TBC1D5: variants seen among roughly 807,000 people sequenced by gnomAD.
TBC1D5 encodes the protein TBC1 domain family, member 5.
A neutral mutation model predicts 100.3 loss-of-function variants in TBC1D5; 75 were observed. The ratio of observed to expected loss-of-function variants is 0.75; its 90% CI spans 0.62 to 0.91. TBC1D5 has a LOEUF of 0.91. Among genes scored for constraint, TBC1D5 ranks in the 40% least tolerant of loss-of-function variants. The probability of loss-of-function intolerance (pLI) is 0.00; values close to 1 mark genes in which losing one functional copy is unlikely to be tolerated. For missense variants in TBC1D5, 910 were observed against 942.4 expected (o/e 0.97, Z 0.45); for synonymous variants, 323 against 325.6 (o/e 0.99, Z 0.09).
chr3:17,467,392 C>T (rs1304722532), intron 3 of TBC1D5, among the ~76,000 whole-genome samples: 2 of 150,854 alleles, frequency 1.3e-5, no homozygotes, highest in Non-Finnish European at 2.9e-5. Context: ...TGTTTCTTAC[C>T]CATTTGCAAC....
intron 1 of TBC1D5, among the ~76,000 whole-genome samples, chr3:17,670,179 C>A (rs2067775496): frequency 6.6e-6 from 1 of 152,148 alleles, no homozygotes; most frequent in South Asian, 2.1e-4. Flanking sequence ...TGAGCCACCA[C>A]GCCCGGCCAG....
chr3:17,653,200 T>C (rs927558800), intron 1 of TBC1D5, among the ~76,000 whole-genome samples: 11 of 152,166 alleles, frequency 7.2e-5, no homozygotes, highest in African/African-American at 2.7e-4. Flanking sequence ...ACAGACTTCC[T>C]TTTGAGGTGA....
chr3:17,741,374 GA>G (rs2077417533), upstream of TBC1D5, among the ~76,000 whole-genome samples: 1 of 152,206 alleles, frequency 6.6e-6, no homozygotes, highest in Admixed American at 6.5e-5. Context: ...AGCCCAAAGA[GA>G]AAAACCAATA....
intron 12 of TBC1D5, among the ~76,000 whole-genome samples, chr3:17,373,324 C>A (rs2092558758): frequency 6.6e-6 from 1 of 151,932 alleles, no homozygotes; most frequent in African/African-American, 2.4e-5. Flanking sequence ...AACCAGAAAG[C>A]AATTAATTAT....
intron 15 of TBC1D5, among the ~76,000 whole-genome samples, chr3:17,260,471 C>T (rs988042152): frequency 7.2e-5 from 11 of 151,954 alleles, no homozygotes; most frequent in African/African-American, 2.4e-4. Flanking sequence ...TCAAGTATTG[C>T]TTTCACTGAG....
At chr3:17,695,324 C>A (rs1000409200) in intron 1 of TBC1D5, among the ~76,000 whole-genome samples, 7 of 152,052 alleles carry the variant, frequency 4.6e-5, no homozygotes, top group Non-Finnish European at 8.8e-5. Flanking sequence ...GAGTCAAGAC[C>A]CATCACTGGG....
chr3:17,718,782 T>C (rs1231706033), intron 1 of TBC1D5, among the ~76,000 whole-genome samples: 1 of 152,060 alleles, frequency 6.6e-6, no homozygotes, highest in East Asian at 1.9e-4. Flanking sequence ...CCCATGGTAA[T>C]CTCTAATTGA....
Position 17,485,022 on chromosome 3 carries a change from G to A in TBC1D5, c.97+23452C>T, listed in dbSNP as rs150766750. ...AACAGAGATATGATAAACATAAGAT[G>A]AAAATTATATTAGAGAATATAAAAT... On this transcript the variant is annotated intron_variant, in intron 3 of 21. Coordinates refer to ENST00000253692, the Ensembl canonical transcript of TBC1D5. 2.9e-3 allele frequency among the ~76,000 whole-genome samples: 443 copies of A among 152,002 alleles called. 9 individuals carry two copies. The highest frequency in any genetic ancestry group is 9.4e-4 in the Non-Finnish European group (64 of 67,956).
At chr3:17,524,304 A>G (rs939997853) in intron 2 of TBC1D5, among the ~76,000 whole-genome samples, 1 of 152,230 alleles carries the variant, frequency 6.6e-6, no homozygotes, top group African/African-American at 2.4e-5. Flanking sequence ...TTGAAGAAAT[A>G]GGCATTTTGA....
intron 2 of TBC1D5, among the ~76,000 whole-genome samples, chr3:17,621,342 C>T (rs1317194273): frequency 6.6e-6 from 1 of 152,206 alleles, no homozygotes; most frequent in Non-Finnish European, 1.5e-5. Flanking sequence ...AATCAACACA[C>T]TAGTGCCAAG....
chr3:17,493,888 C>G (rs547189847), intron 3 of TBC1D5, among the ~76,000 whole-genome samples: 1 of 152,138 alleles, frequency 6.6e-6, no homozygotes, highest in African/African-American at 2.4e-5. Flanking sequence ...TTTGGCTCAG[C>G]GAAGTTCACT....
chr3:17,198,470 GTT>G (rs2071019770), intron 18 of TBC1D5, among the ~76,000 whole-genome samples: 1 of 152,108 alleles, frequency 6.6e-6, no homozygotes, highest in Non-Finnish European at 1.5e-5. Context: ...ATCAAATAAA[GTT>G]TTTAGTATAA....
intron 1 of TBC1D5, chr3:17,665,064 G>GGA: frequency 7.1e-6 from 1 of 141,200 alleles, no homozygotes; most frequent in African/African-American, 2.6e-5. Flanking sequence ...AAGAAGAAAG[G>GGA]AAAAAAAAAC....
rs765714230 is a variant in TBC1D5, at chr3:17,374,726, T to C, written c.702-47A>G. The C allele has an allele frequency of 6.3e-6, 10 of 1,586,144 alleles. No homozygotes were observed. The East Asian group carries it at 2.3e-4, about 36-fold the overall frequency. The stretch of plus-strand genomic sequence containing the variant: ...ATCAAAATGTGTAATTTTTGAATAA[T>C]TAAAGAGGCAGAGTTTGCCTTATTC... On this transcript the variant is annotated intron_variant, in intron 10 of 21. Transcript: ENST00000253692.
intron 17 of TBC1D5, among the ~76,000 whole-genome samples, chr3:17,221,802 T>C (rs888927957): frequency 6.6e-6 from 1 of 152,196 alleles, no homozygotes; most frequent in African/African-American, 2.4e-5. Flanking sequence ...GAGAAACCTG[T>C]GTCAGACTTT....
rs956307555 is a variant in TBC1D5, at chr3:17,347,655, TA to T, written c.995+24419del. Among the ~76,000 whole-genome samples the T allele has an allele frequency of 4.3e-3, 634 of 147,798 alleles. 3 individuals are homozygous for T. Among genetic ancestry groups the T allele is most frequent in the African/African-American group, 0.013 (539 of 40,510 alleles). ...AAAAATCCCTACACTTTCTATCACT[TA>T]AAAAAAAAAATCAAAGAAAGTCTGA... On this transcript the variant is annotated intron_variant, in intron 13 of 21. Coordinates refer to ENST00000253692, the Ensembl canonical transcript of TBC1D5.
chr3:17,401,238 C>CACATGTATGTGTATAATATACATATAT, intron 8 of TBC1D5, among the ~76,000 whole-genome samples: 1 of 145,842 alleles, frequency 6.9e-6, no homozygotes. Flanking sequence ...CACACACACA[C>CACATGTATGTGTATAATATACATATAT]ATGTATGTGT....
chr3:17,498,859 C>A (rs2095748941), intron 3 of TBC1D5, among the ~76,000 whole-genome samples: 1 of 151,604 alleles, frequency 6.6e-6, no homozygotes, highest in African/African-American at 2.4e-5. Context: ...AGAATTTTAC[C>A]AAAATATATC....
intron 17 of TBC1D5, among the ~76,000 whole-genome samples, chr3:17,231,520 G>A (rs1177332230): frequency 1.3e-5 from 2 of 151,642 alleles, no homozygotes; most frequent in Non-Finnish European, 2.9e-5. Flanking sequence ...TATAATCAAG[G>A]AATCATCAAA....
Sources: gnomAD v4.1 joint callset for allele counts (sites outside exome capture counted in the v4.1 genomes callset) on GRCh38, gnomAD v4.1.1 for gene constraint, MANE v1.5 for transcripts, NCBI Gene and HGNC (gene_info 2026-07-23, HGNC 2026-07-21) for gene names.